The following NEDD4 variants were observed in gnomAD, a reference collection of about 807,000 sequenced individuals.
NEDD4 encodes the protein E3 ubiquitin-protein ligase NEDD4.
NEDD4 carries 99 observed loss-of-function variants against 144.9 expected under a neutral mutation model. The observed-to-expected ratio is 0.68, with a 90% CI of 0.58 to 0.81. The LOEUF is 0.81. Among genes scored for constraint, NEDD4 ranks in the 30% least tolerant of loss-of-function variants. NEDD4 has a pLI of 0.00. For missense variants in NEDD4, 985 were observed against 1,065.9 expected, an observed-to-expected ratio of 0.92 and a Z score of 1.06; for synonymous variants, 318 against 350.6, an observed-to-expected ratio of 0.91 and a Z score of 1.04.
intron 19 of NEDD4, among the ~76,000 whole-genome samples, chr15:55,840,976 C>T (rs1451332180): frequency 6.6e-6 from 1 of 152,170 alleles, no homozygotes; most frequent in African/African-American, 2.4e-5. Flanking sequence ...TGCTCTCGCC[C>T]AGGCTGGAGT....
chr15:55,856,303 C>A, intron 11 of NEDD4, 107 bp from the exon 12 acceptor site: 2 of 952,886 alleles, frequency 2.1e-6, no homozygotes, highest in Non-Finnish European at 3.2e-6. Flanking sequence ...AGAGAGAAGG[C>A]TGGCTAGGAT....
At chr15:55,902,059 G>C (rs1006494464) in intron 5 of NEDD4, among the ~76,000 whole-genome samples, 11 of 152,068 alleles carry the variant, frequency 7.2e-5, no homozygotes. Context: ...AATACAGTGC[G>C]GCAATTAAGG....
chr15:55,877,304 G>A (rs191790105), intron 5 of NEDD4, among the ~76,000 whole-genome samples: 4 of 152,186 alleles, frequency 2.6e-5, no homozygotes, highest in Non-Finnish European at 2.9e-5. Flanking sequence ...TCATAATCTT[G>A]ACATTTTTGA....
At chr15:55,982,387 A>G (rs1013810060) in intron 1 of NEDD4, among the ~76,000 whole-genome samples, 3 of 152,224 alleles carry the variant, frequency 2.0e-5, no homozygotes, top group African/African-American at 7.2e-5. Flanking sequence ...CCATCGAAGG[A>G]GAATGGATAT....
intron 1 of NEDD4, among the ~76,000 whole-genome samples, chr15:55,973,943 A>C (rs2037657566): frequency 6.6e-6 from 1 of 152,092 alleles, no homozygotes; most frequent in South Asian, 2.1e-4. Flanking sequence ...GAGCAGAAAT[A>C]AATCAAATTG....
rs1014845264 is a variant in NEDD4 at position 55,850,035 on chromosome 15, G to A, written c.1347+507C>T. ...GTCTCGATCTCCATCTCCTGACCTC[G>A]TGATCTCCCCCCTCGGCCTCCCAAA... On this transcript the variant is annotated intron_variant, in intron 14 of 28. Coordinates refer to ENST00000435532, the MANE Select transcript of NEDD4 (RefSeq NM_006154.4). 2.6e-5 allele frequency among the ~76,000 whole-genome samples: 4 copies of A among 151,888 alleles called. No homozygotes were observed. The East Asian group carries it at 7.8e-4, about 30-fold the overall frequency.
chr15:55,927,391 A>T (rs977708060), intron 4 of NEDD4, among the ~76,000 whole-genome samples: 9 of 152,042 alleles, frequency 5.9e-5, no homozygotes, highest in African/African-American at 2.2e-4. Flanking sequence ...GCTCAGTGCA[A>T]CCAGGCTCAA....
At chr15:55,934,860 C>CTTTTTT (rs564385465) in intron 4 of NEDD4, 3 of 80,836 alleles carry the variant, frequency 3.7e-5, no homozygotes, top group Non-Finnish European at 4.3e-5. Context: ...CAATGTTCTG[C>CTTTTTT]TTTTTTTTTT....
intron 4 of NEDD4, among the ~76,000 whole-genome samples, chr15:55,925,978 ACATATACATATGTAT>A (rs1448689167): frequency 1.3e-5 from 2 of 152,064 alleles, no homozygotes; most frequent in Admixed American, 6.6e-5. Context: ...ATGTAAAAAT[ACATATACATATGTAT>A]CATATACATA....
At chr15:55,953,654 C>G (rs373174073) in intron 2 of NEDD4, among the ~76,000 whole-genome samples, 1 of 151,748 alleles carries the variant, frequency 6.6e-6, no homozygotes, top group East Asian at 2.0e-4. Context: ...CTTGGCCAGG[C>G]TGGTCTCAAA....
At chr15:55,969,055 T>G (rs7165958) in intron 1 of NEDD4, among the ~76,000 whole-genome samples, 23,162 of 152,124 alleles carry the variant, frequency 0.15, 1,945 homozygotes, top group East Asian at 0.32. Context: ...CAGTCTTGAA[T>G]TGCCCACACC....
intron 17 of NEDD4, among the ~76,000 whole-genome samples, chr15:55,848,036 G>A (rs1344988979): frequency 6.6e-6 from 1 of 152,098 alleles, no homozygotes; most frequent in Non-Finnish European, 1.5e-5. Context: ...TTCCTCATCC[G>A]CATACACTCT....
In NEDD4 at chr15:55,829,292, T is replaced by G. The variant is rs1334873312; in HGVS notation, c.*605A>C. 1.3e-5 allele frequency: 2 copies of G among 152,238 alleles called. No homozygotes were observed. The highest frequency in any genetic ancestry group is 4.8e-5 in the African/African-American group (2 of 41,454). 9.4% of individuals were successfully genotyped at this position (152,238 alleles called of 1,614,324 possible). A position where few individuals can be genotyped will look rare whatever the true frequency, so the allele number is the denominator to read the frequency against. On this transcript the variant is annotated 3_prime_UTR_variant, in exon 29 of 29. Coordinates refer to ENST00000435532, the MANE Select transcript of NEDD4 (RefSeq NM_006154.4). ...AGAAGTAAACAGTTTTTCTGTGAGTTAGTTGGCTAGAAATATAGGTAACAC... is the reference window on the plus strand; with the variant it reads ...AGAAGTAAACAGTTTTTCTGTGAGTGAGTTGGCTAGAAATATAGGTAACAC...
At chr15:55,894,008 CTA>C (rs2035657011) in intron 5 of NEDD4, among the ~76,000 whole-genome samples, 1 of 151,958 alleles carries the variant, frequency 6.6e-6, no homozygotes, top group South Asian at 2.1e-4. Flanking sequence ...GTCAATCTTT[CTA>C]TATGTCAATG....
intron 4 of NEDD4, among the ~76,000 whole-genome samples, chr15:55,927,374 G>C: frequency 6.6e-6 from 1 of 151,986 alleles, no homozygotes; most frequent in East Asian, 1.9e-4. Flanking sequence ...GCAGTGGTGC[G>C]ATCACAGCTC....
At chr15:55,859,284 A>T (rs1442571850) in intron 11 of NEDD4, among the ~76,000 whole-genome samples, 1 of 152,206 alleles carries the variant, frequency 6.6e-6, no homozygotes, top group African/African-American at 2.4e-5. Flanking sequence ...TCTGAACCCT[A>T]TGGACAACAG....
intron 21 of NEDD4, among the ~76,000 whole-genome samples, chr15:55,839,999 AAT>A (rs1176994871): frequency 0.016 from 408 of 26,056 alleles, 2 homozygotes; most frequent in Admixed American, 0.023. Flanking sequence ...AAAAAAAAAA[AAT>A]ATATATATAT....
chr15:55,906,989 G>C (rs1432648237), intron 5 of NEDD4, among the ~76,000 whole-genome samples: 1 of 151,884 alleles, frequency 6.6e-6, no homozygotes, highest in Non-Finnish European at 1.5e-5. Context: ...CAGCTGCTCG[G>C]GAGGCCAAGG....
chr15:55,844,844 G>A (rs1158549208), intron 18 of NEDD4, among the ~76,000 whole-genome samples: 1 of 144,704 alleles, frequency 6.9e-6, no homozygotes, highest in Non-Finnish European at 1.5e-5. Flanking sequence ...GTACTGCTCT[G>A]TCATTCAGGC....
Sources: allele counts gnomAD v4.1 joint callset (sites outside exome capture counted in the v4.1 genomes callset), GRCh38; gene constraint gnomAD v4.1.1; transcripts MANE v1.5; gene names NCBI Gene and HGNC (gene_info 2026-07-23, HGNC 2026-07-21).